Variants in MFSD1 observed in about 807,000 individuals in gnomAD.
MFSD1 encodes lysosomal dipeptide transporter MFSD1.
A neutral mutation model predicts 67.1 loss-of-function variants in MFSD1; 59 were observed. The ratio of observed to expected loss-of-function variants is 0.88; its 90% CI spans 0.71 to 1.09. MFSD1 has a LOEUF of 1.09. Among genes scored for constraint, MFSD1 ranks in the 50% least tolerant of loss-of-function variants. The probability of loss-of-function intolerance (pLI) is 0.00; values close to 1 mark genes in which losing one functional copy is unlikely to be tolerated. For synonymous variants in MFSD1, 213 were observed against 200.3 expected (o/e 1.06, Z -0.54); for missense variants, 552 against 566.1 (o/e 0.97, Z 0.25).
chr3:158,803,361 C>T (rs1003651289), intron 1 of MFSD1, among the ~76,000 whole-genome samples: 10 of 151,968 alleles, frequency 6.6e-5, no homozygotes, highest in Admixed American at 4.6e-4. Flanking sequence ...CTTTTTCCCC[C>T]CTCCCCTGTT....
At position 158,802,101 on chromosome 3, in the gene MFSD1, G is replaced by T; in HGVS notation, c.-52G>T. ...CAGTGTTCCACGGGCGCTGCTTCCT[G>T]CCTGGGTTTGGAGTTGTCACCACTT... On this transcript the variant is annotated 5_prime_UTR_variant, in exon 1 of 16. Coordinates refer to ENST00000415822, the MANE Select transcript of MFSD1 (RefSeq NM_022736.4). 1 of 1,598,594 alleles carries T rather than the reference G, an allele frequency of 6.3e-7. No individual in the cohort carries two copies. Among genetic ancestry groups the T allele is most frequent in the Non-Finnish European group, 8.5e-7 (1 of 1,174,958 alleles).
Position 158,807,381 on chromosome 3 carries a change from ACTT to A in MFSD1, c.373-12_373-10del. 6.2e-7 allele frequency: 1 copy of A among 1,602,674 alleles called. No individual in the cohort carries two copies. The highest frequency in any genetic ancestry group is 8.5e-7 in the Non-Finnish European group (1 of 1,171,678). On this transcript the variant is annotated splice_polypyrimidine_tract_variant and intron_variant, in intron 4 of 15. Transcript: ENST00000415822. ...TTACTTTTTCATTAATTTGACATGA[ACTT>A]CTACATTATAGGTTGTTTTTGCCCT...
intron 15 of MFSD1, among the ~76,000 whole-genome samples, chr3:158,827,627 G>C (rs1244522542): frequency 1.3e-5 from 2 of 151,810 alleles, no homozygotes; most frequent in African/African-American, 4.8e-5. Context: ...TGTTGCCCAG[G>C]CTGGTCTAGA....
Position 158,821,874 on chromosome 3 carries a change from G to T in MFSD1, c.921-110G>T, listed in dbSNP as rs183889299. ...ATATTTTTTGATGAGCATTTTATAA[G>T]AATGTTAAATGAGTTAGGATTTGCT... On this transcript the variant is annotated intron_variant, in intron 10 of 15. Coordinates refer to ENST00000415822, the MANE Select transcript of MFSD1 (RefSeq NM_022736.4). The T allele has an allele frequency of 1.3e-4, 162 of 1,208,714 alleles. No homozygotes were observed. In the African/African-American group the frequency reaches 2.1e-3, roughly 15 times the overall value. The allele number at this position is 1,208,714 out of a possible 1,614,324, so 74.9% of individuals were successfully genotyped here.
rs868282932 is a variant in MFSD1 at position 158,813,974 on chromosome 3, G to C, written c.559G>C (p.Val187Leu). The C allele has an allele frequency of 1.2e-6, 2 of 1,610,122 alleles. No homozygotes were observed. The highest frequency in any genetic ancestry group is 1.7e-6 in the Non-Finnish European group (2 of 1,177,182). Reference sequence around the variant, plus strand: ...TTCCCTTCTCATTTAGGGAAGTACAGTAAACATGAACCTCATGGGATGGCT... The same window carrying C: ...TTCCCTTCTCATTTAGGGAAGTACACTAAACATGAACCTCATGGGATGGCT... The part of the protein sequence containing the change: ...QLSMARIGST[V>L]NMNLMGWLYS... Residue 187 changes from valine (V) to leucine (L), a missense_variant, in exon 7 of 16, where the codon GTA (valine) becomes CTA (leucine). Val to Leu is a conservative substitution (Grantham distance 32). Coordinates refer to ENST00000415822, the MANE Select transcript of MFSD1 (RefSeq NM_022736.4).
At chr3:158,822,328 T>C in intron 11 of MFSD1, 188 bp downstream of exon 11, 1 of 380,950 alleles carries the variant, frequency 2.6e-6, no homozygotes, top group Non-Finnish European at 4.6e-6. Context: ...ACATATAAGG[T>C]ATCTTTTAAT....
Position 158,827,278 on chromosome 3 carries a change from A to G in MFSD1, c.1337-2A>G. On this transcript the variant is annotated splice_acceptor_variant, in intron 14 of 15. Transcript: ENST00000415822. LOFTEE classifies it high-confidence loss of function. Reference sequence around the variant, plus strand: ...AAAGATCTATGTTTATTTGTGTTTTAGGTGGGAACCTAAATTATTCTGCAA... The same window carrying G: ...AAAGATCTATGTTTATTTGTGTTTTGGGTGGGAACCTAAATTATTCTGCAA... 1 of 1,549,134 alleles carries G rather than the reference A, an allele frequency of 6.5e-7. No homozygotes were observed. The highest frequency in any genetic ancestry group is 8.7e-7 in the Non-Finnish European group (1 of 1,147,124).
In MFSD1 at chr3:158,820,226, A is replaced by G; in HGVS notation, c.763A>G (p.Lys255Glu). The change falls in exon 9 of 16, where the codon AAA becomes GAA. Residue 255 changes from lysine (K) to glutamate (E), a missense_variant. Lys to Glu is a moderately conservative substitution (Grantham distance 56). Transcript: ENST00000415822. ...KEQGKTGEVI[K>E]LTDVKDFSLP... The stretch of plus-strand genomic sequence containing the variant: ...CTTTCTTCTCTAAGGTGAAGTTATT[A>G]AATTAACTGATGTAAAGGACTTCTC... 1 of 1,586,900 alleles carries G rather than the reference A, an allele frequency of 6.3e-7. No individual in the cohort carries two copies. Among genetic ancestry groups the G allele is most frequent in the East Asian group, 2.2e-5 (1 of 44,642 alleles).
intron 1 of MFSD1, 63 bp from the exon 2 acceptor site, chr3:158,804,256 A>C: frequency 8.2e-7 from 1 of 1,221,116 alleles, no homozygotes; most frequent in South Asian, 1.3e-5. Context: ...TTCAGTAGCA[A>C]CTGCAACTTG....
rs1729492538 is a variant in MFSD1 at position 158,802,285 on chromosome 3, G to A, written c.133G>A (p.Val45Met). ...CAGTCGCCTGGCGCACCGGCTTTTG[G>A]TGCTGTTACTGATGTGCTTCCTTGG... is the stretch of plus-strand genomic sequence containing the variant. ...DPSRLAHRLL[V>M]LLLMCFLGFG... The change falls in exon 1 of 16, where the codon GTG becomes ATG. Residue 45 changes from valine (V) to methionine (M), a missense_variant. By Grantham distance (21) the Val-to-Met change is conservative. Coordinates refer to ENST00000415822, the MANE Select transcript of MFSD1 (RefSeq NM_022736.4). 6.2e-7 allele frequency: 1 copy of A among 1,611,566 alleles called. No individual in the cohort carries two copies. Among genetic ancestry groups the A allele is most frequent in the African/African-American group, 1.3e-5 (1 of 74,890 alleles).
rs373244310 is a variant in MFSD1 at position 158,823,535 on chromosome 3, T to C, written c.1175+10T>C. The C allele has an allele frequency of 4.5e-6, 7 of 1,555,124 alleles. No individual in the cohort carries two copies. The African/African-American group carries it at 9.5e-5, about 21-fold the overall frequency. ...GAACTGCATATGGCTTGTAAGTATT[T>C]ACGCTGTGGATCGTATATGTCTGTC... On this transcript the variant is annotated intron_variant, in intron 12 of 15. Coordinates refer to ENST00000415822, the MANE Select transcript of MFSD1 (RefSeq NM_022736.4).
In MFSD1 at chr3:158,804,315, C is replaced by G; in HGVS notation, c.164-4C>G. 6.2e-7 allele frequency: 1 copy of G among 1,606,364 alleles called. No individual in the cohort carries two copies. Among genetic ancestry groups the G allele is most frequent in the Non-Finnish European group, 8.5e-7 (1 of 1,175,986 alleles). On this transcript the variant is annotated splice_region_variant and splice_polypyrimidine_tract_variant and intron_variant, in intron 1 of 15. Coordinates refer to ENST00000415822, the MANE Select transcript of MFSD1 (RefSeq NM_022736.4). ...TTACTTATAAAGTATTTGCTCTTTT[C>G]TAGGCAGCTATTTTTGCTATGATAA... is the stretch of plus-strand genomic sequence containing the variant.
intron 3 of MFSD1, among the ~76,000 whole-genome samples, chr3:158,806,241 T>G (rs973145577): frequency 6.6e-6 from 1 of 152,060 alleles, no homozygotes; most frequent in Non-Finnish European, 1.5e-5. Context: ...ATTAAATTTA[T>G]TTTTTTTGAT....
chr3:158,819,789 C>G (rs1730580472), intron 8 of MFSD1, 42 bp downstream of exon 8: 5 of 1,173,932 alleles, frequency 4.3e-6, no homozygotes, highest in East Asian at 4.7e-5. Context: ...GAATTACGGC[C>G]TTTGTGAGAT....
intron 9 of MFSD1, among the ~76,000 whole-genome samples, chr3:158,820,772 C>G (rs1247158612): frequency 1.3e-5 from 2 of 152,074 alleles, no homozygotes; most frequent in East Asian, 3.9e-4. Flanking sequence ...CGTGAGAACT[C>G]ACTCACTATC....
At chr3:158,827,843 A>G (rs12634337) in intron 15 of MFSD1, among the ~76,000 whole-genome samples, 32,075 of 151,132 alleles carry the variant, frequency 0.21, 3,748 homozygotes, top group African/African-American at 0.3. Flanking sequence ...AAGGCTTGAA[A>G]CGAAGAAAAA....
chr3:158,820,621 G>A (rs1321663038), intron 9 of MFSD1, among the ~76,000 whole-genome samples: 1 of 152,216 alleles, frequency 6.6e-6, no homozygotes, highest in African/African-American at 2.4e-5. Context: ...TTGACTCACA[G>A]TTCCATAGGG....
In MFSD1 at chr3:158,808,776, G is replaced by A. The variant is rs572759178; in HGVS notation, c.441-403G>A. 4.0e-4 allele frequency among the ~76,000 whole-genome samples: 61 copies of A among 152,218 alleles called. 1 individual carries two copies. In the South Asian group the frequency reaches 5.8e-3, roughly 14 times the overall value. ...GCCTCAGCTGGTAAGATTCATGGAA[G>A]GGTGGGGGCTGGGATCATCTGAAAG... On this transcript the variant is annotated intron_variant, in intron 5 of 15. Transcript: ENST00000415822.
rs753749922 is a variant in MFSD1 at position 158,804,407 on chromosome 3, C to T, written c.216+36C>T. 36 of 1,573,028 alleles carry T rather than the reference C, an allele frequency of 2.3e-5. 1 individual carries two copies. The South Asian group carries it at 3.6e-4, about 16-fold the overall frequency. Reference sequence around the variant, plus strand: ...TTTTCACTCTTGTTTCTTTTGTTTTCTTTAGAGCAAGTGTAGCGGTGGAGG... The same window carrying T: ...TTTTCACTCTTGTTTCTTTTGTTTTTTTTAGAGCAAGTGTAGCGGTGGAGG... On this transcript the variant is annotated intron_variant, in intron 2 of 15. Coordinates refer to ENST00000415822, the MANE Select transcript of MFSD1 (RefSeq NM_022736.4).
Sources: gnomAD v4.1 joint callset for allele counts (sites outside exome capture counted in the v4.1 genomes callset) on GRCh38, gnomAD v4.1.1 for gene constraint, MANE v1.5 for transcripts, NCBI Gene and HGNC (gene_info 2026-07-23, HGNC 2026-07-21) for gene names.